TANC2: variants seen among roughly 807,000 people sequenced by gnomAD.
TANC2 encodes protein TANC2.
In TANC2, 26 loss-of-function variants were observed where a neutral mutation model predicts 210.5. That is an observed-to-expected ratio of 0.12 (90% confidence interval 0.09 to 0.17). The LOEUF is 0.17. TANC2 is among the 10% of genes least tolerant of loss of function. The probability of loss-of-function intolerance (pLI) is 1.00; values close to 1 mark genes in which losing one functional copy is unlikely to be tolerated. For missense variants in TANC2, 2,129 were observed against 2,608.9 expected (o/e 0.82, Z 4.01); for synonymous variants, 931 against 967.1 (o/e 0.96, Z 0.69).
At chr17:62,985,938 T>C (rs1568296590) in intron 1 of TANC2, among the ~76,000 whole-genome samples, 1 of 152,212 alleles carries the variant, frequency 6.6e-6, no homozygotes, top group South Asian at 2.1e-4. Context: ...ATATTTGATG[T>C]GTCCCTACAT....
intron 2 of TANC2, among the ~76,000 whole-genome samples, chr17:63,020,148 G>GA (rs1438866086): frequency 2.8e-4 from 43 of 152,186 alleles, no homozygotes; most frequent in African/African-American, 1.0e-3. Context: ...GGCTCGTCTT[G>GA]AACTCCTCAC....
chr17:62,975,480 C>T (rs373667658), intron 1 of TANC2, among the ~76,000 whole-genome samples: 4 of 151,752 alleles, frequency 2.6e-5, no homozygotes, highest in Admixed American at 1.3e-4. Context: ...CATAAATAAC[C>T]GTCCAACCAC....
At chr17:63,395,492 T>C (rs1249391860) in intron 17 of TANC2, among the ~76,000 whole-genome samples, 3 of 152,176 alleles carry the variant, frequency 2.0e-5, no homozygotes, top group Admixed American at 6.5e-5. Context: ...GTTTTTGTTT[T>C]TCTTGGAATG....
At chr17:63,096,808 C>G (rs2037404379) in intron 3 of TANC2, among the ~76,000 whole-genome samples, 1 of 152,022 alleles carries the variant, frequency 6.6e-6, no homozygotes, top group African/African-American at 2.4e-5. Flanking sequence ...CTGTGTTTAA[C>G]TTTTTGAGGA....
intron 2 of TANC2, among the ~76,000 whole-genome samples, chr17:63,035,751 A>G (rs888701477): frequency 6.6e-5 from 10 of 152,200 alleles, no homozygotes; most frequent in African/African-American, 2.4e-4. Context: ...ATCATGTGGT[A>G]GTATATGTTT....
intron 26 of TANC2, among the ~76,000 whole-genome samples, chr17:63,416,900 A>G (rs981923509): frequency 6.6e-6 from 1 of 152,176 alleles, no homozygotes; most frequent in African/African-American, 2.4e-5. Flanking sequence ...GTGAAATGAA[A>G]GGAACAGCAC....
intron 4 of TANC2, among the ~76,000 whole-genome samples, chr17:63,114,239 T>C (rs1200028645): frequency 6.6e-6 from 1 of 152,134 alleles, no homozygotes. Context: ...AGTCAACATA[T>C]AAAATAAAAA....
chr17:63,031,824 A>C (rs185167996), intron 2 of TANC2, among the ~76,000 whole-genome samples: 1 of 152,284 alleles, frequency 6.6e-6, no homozygotes, highest in East Asian at 1.9e-4. Flanking sequence ...ATTGTGATGA[A>C]CCTTCTACAT....
At chr17:62,976,829 T>G (rs1162931325) in intron 1 of TANC2, among the ~76,000 whole-genome samples, 1 of 152,218 alleles carries the variant, frequency 6.6e-6, no homozygotes, top group Non-Finnish European at 1.5e-5. Context: ...CTCTTCCTTA[T>G]TTGGAAGTAT....
At chr17:63,300,034 TAAG>T (rs2044661739) in intron 9 of TANC2, among the ~76,000 whole-genome samples, 1 of 152,312 alleles carries the variant, frequency 6.6e-6, no homozygotes, top group African/African-American at 2.4e-5. Flanking sequence ...ATTTATTAAA[TAAG>T]GAGTCCTTTC....
At chr17:62,980,281 T>G (rs1484447512) in intron 1 of TANC2, among the ~76,000 whole-genome samples, 2 of 152,184 alleles carry the variant, frequency 1.3e-5, no homozygotes, top group African/African-American at 4.8e-5. Context: ...ACTTCTGGGC[T>G]CTCTCCCACT....
rs980351783 is a variant in TANC2, at chr17:63,213,610, A to G, written c.769+12653A>G. On this transcript the variant is annotated intron_variant, in intron 7 of 27. Transcript: ENST00000689528. ...ATATAAATATATACAACTATATACT[A>G]TCAATGAATACATTTAGAAATAATT... Among the ~76,000 whole-genome samples the G allele has an allele frequency of 3.3e-5, 5 of 152,354 alleles. No homozygotes were observed. The East Asian group carries it at 5.8e-4, about 18-fold the overall frequency.
intron 8 of TANC2, among the ~76,000 whole-genome samples, chr17:63,245,881 G>A (rs1342727394): frequency 6.6e-6 from 1 of 151,096 alleles, no homozygotes; most frequent in East Asian, 1.9e-4. Flanking sequence ...ATGGTAGCGT[G>A]CACCTGTAAT....
chr17:63,036,681 A>G lies in TANC2; in HGVS notation c.67+27055A>G, dbSNP rs553723080. 9.2e-5 allele frequency among the ~76,000 whole-genome samples: 14 copies of G among 152,300 alleles called. 1 individual carries two copies. In the South Asian group the frequency reaches 2.7e-3, roughly 29 times the overall value. Reference sequence around the variant, plus strand: ...TTTGGGGTGGAATTACATTAAATCTATAGATCAACTGGGATAGAACATTTT... The same window carrying G: ...TTTGGGGTGGAATTACATTAAATCTGTAGATCAACTGGGATAGAACATTTT... On this transcript the variant is annotated intron_variant, in intron 2 of 27. Coordinates refer to ENST00000689528, the Ensembl canonical transcript of TANC2.
At chr17:63,166,207 G>A (rs2040204380) in intron 5 of TANC2, among the ~76,000 whole-genome samples, 1 of 152,108 alleles carries the variant, frequency 6.6e-6, no homozygotes, top group Non-Finnish European at 1.5e-5. Flanking sequence ...TGTAGTGTAA[G>A]CATTTGAAAC....
At chr17:63,075,738 G>A (rs761119438) in intron 3 of TANC2, among the ~76,000 whole-genome samples, 2 of 151,726 alleles carry the variant, frequency 1.3e-5, no homozygotes, top group African/African-American at 2.4e-5. Context: ...GGCTGGTCTC[G>A]GAACTTCTGA....
intron 1 of TANC2, among the ~76,000 whole-genome samples, chr17:63,002,029 T>C (rs1006899128): frequency 3.9e-5 from 6 of 152,312 alleles, no homozygotes; most frequent in East Asian, 1.9e-4. Flanking sequence ...TATATTCTAG[T>C]AGGGAAACTG....
chr17:63,018,162 C>T (rs775075130), intron 2 of TANC2, among the ~76,000 whole-genome samples: 1 of 151,750 alleles, frequency 6.6e-6, no homozygotes, highest in African/African-American at 2.4e-5. Context: ...CTAAATTAAA[C>T]GTTTTACTTT....
At chr17:63,416,010 C>A (rs1406320913) in intron 26 of TANC2, among the ~76,000 whole-genome samples, 1 of 152,148 alleles carries the variant, frequency 6.6e-6, no homozygotes, top group Non-Finnish European at 1.5e-5. Context: ...CACTAGAATT[C>A]CAGTTGCAAT....
Sources: gnomAD v4.1 joint callset for allele counts (sites outside exome capture counted in the v4.1 genomes callset) on GRCh38, gnomAD v4.1.1 for gene constraint, MANE v1.5 for transcripts, NCBI Gene and HGNC (gene_info 2026-07-23, HGNC 2026-07-21) for gene names.